GULP1: variants seen among roughly 807,000 people sequenced by gnomAD.
GULP1 encodes GULP PTB domain containing engulfment adaptor 1, also known as PTB domain-containing engulfment adapter protein 1.
GULP1 carries 19 observed loss-of-function variants against 40.9 expected under a neutral mutation model. The ratio of observed to expected loss-of-function variants is 0.46; its 90% confidence interval spans 0.32 to 0.68. The LOEUF is 0.68. Ranked by LOEUF, GULP1 falls within the 30% of genes least tolerant of loss-of-function variation. The pLI is 0.03. For missense variants in GULP1, 312 were observed against 362.2 expected, an observed-to-expected ratio of 0.86 and a Z score of 1.12; for synonymous variants, 119 against 117.6, an observed-to-expected ratio of 1.01 and a Z score of -0.08.
chr2:188,564,897 A>C (rs1697270067), intron 7 of GULP1, among the ~76,000 whole-genome samples: 1 of 151,978 alleles, frequency 6.6e-6, no homozygotes, highest in African/African-American at 2.4e-5. Context: ...ATATCCATAC[A>C]TACATGGTTA....
chr2:188,386,242 G>A (rs760601421), intron 2 of GULP1, among the ~76,000 whole-genome samples: 6 of 152,074 alleles, frequency 3.9e-5, no homozygotes, highest in Admixed American at 2.6e-4. Context: ...GCTTGTGTAG[G>A]AAAACTCCCA....
chr2:188,542,230 T>C (rs1211644915), intron 7 of GULP1: 1 of 152,198 alleles, frequency 6.6e-6, no homozygotes, highest in Non-Finnish European at 1.5e-5. Context: ...CACTGGTGGC[T>C]GCAATAAAGG....
At chr2:188,522,993 C>G (rs1198574429) in intron 5 of GULP1, 166 bp downstream of exon 5, 2 of 502,160 alleles carry the variant, frequency 4.0e-6, no homozygotes, top group Non-Finnish European at 7.4e-6. Context: ...TTTTTAATAA[C>G]AAACATGTAC....
At chr2:188,415,278 G>A (rs145644543) in intron 2 of GULP1, among the ~76,000 whole-genome samples, 1 of 151,984 alleles carries the variant, frequency 6.6e-6, no homozygotes. Context: ...TAGAATGAAG[G>A]CTACTTTGGT....
intron 1 of GULP1, among the ~76,000 whole-genome samples, chr2:188,361,489 A>G (rs2152376514): frequency 6.6e-6 from 1 of 152,214 alleles, no homozygotes; most frequent in Non-Finnish European, 1.5e-5. Flanking sequence ...GTTGGCGGAA[A>G]CTATGAAATG....
intron 1 of GULP1, among the ~76,000 whole-genome samples, chr2:188,307,450 T>TA (rs1353095281): frequency 1.3e-5 from 2 of 151,554 alleles, no homozygotes; most frequent in African/African-American, 4.8e-5. Flanking sequence ...TTTTTTTTTT[T>TA]ACAAATAAAA....
chr2:188,457,809 G>A (rs1226040956), intron 2 of GULP1, among the ~76,000 whole-genome samples: 1 of 151,962 alleles, frequency 6.6e-6, no homozygotes, highest in Non-Finnish European at 1.5e-5. Context: ...AAACAATATG[G>A]CTGGAACAAA....
intron 9 of GULP1, among the ~76,000 whole-genome samples, chr2:188,581,714 C>T (rs1701363036): frequency 6.6e-6 from 1 of 152,144 alleles, no homozygotes; most frequent in Non-Finnish European, 1.5e-5. Flanking sequence ...TGGAGCTCCT[C>T]ATGACTATAG....
Position 188,588,155 on chromosome 2 carries a change from TG to T in GULP1, c.843+208del, listed in dbSNP as rs2153471869. On this transcript the variant is annotated intron_variant, in intron 11 of 11. Transcript: ENST00000409830. ...AGGATAAGGTTGTTGGTTTTTTAAATGGTTCAATTTATAATGTCAATAAGAT... is the reference window on the plus strand; with the variant it reads ...AGGATAAGGTTGTTGGTTTTTTAAATGTTCAATTTATAATGTCAATAAGAT... 16 of 570,102 alleles carry T rather than the reference TG, an allele frequency of 2.8e-5. No homozygotes were observed. The South Asian group carries it at 3.2e-4, about 11-fold the overall frequency. 35.3% of individuals were successfully genotyped at this position (570,102 alleles called of 1,614,324 possible).
At chr2:188,343,170 GA>G (rs555948572) in intron 1 of GULP1, among the ~76,000 whole-genome samples, 17 of 148,296 alleles carry the variant, frequency 1.1e-4, no homozygotes, top group East Asian at 5.9e-4. Flanking sequence ...AGTGGAATAG[GA>G]AAAAAAAAAC....
intron 2 of GULP1, among the ~76,000 whole-genome samples, chr2:188,399,690 GA>G (rs55877284): frequency 2.5e-4 from 16 of 64,684 alleles, no homozygotes; most frequent in South Asian, 1.9e-3. Context: ...GTCCCTACAA[GA>G]AAAAAAAAAA....
chr2:188,430,234 G>T (rs1191133943), intron 2 of GULP1, among the ~76,000 whole-genome samples: 1 of 152,148 alleles, frequency 6.6e-6, no homozygotes, highest in African/African-American at 2.4e-5. Context: ...CAAAAGTGAT[G>T]TAAAAAGTTA....
At chr2:188,321,047 G>A (rs2039905563) in intron 1 of GULP1, among the ~76,000 whole-genome samples, 1 of 151,974 alleles carries the variant, frequency 6.6e-6, no homozygotes, top group South Asian at 2.1e-4. Flanking sequence ...ATATATTCAT[G>A]TTTAATGAAT....
intron 4 of GULP1, among the ~76,000 whole-genome samples, chr2:188,516,701 G>C (rs2065208678): frequency 6.6e-6 from 1 of 152,106 alleles, no homozygotes; most frequent in Non-Finnish European, 1.5e-5. Flanking sequence ...CCCAGTTTCT[G>C]ATTGAGTAGA....
At chr2:188,300,530 G>A (rs1020317185) in intron 1 of GULP1, among the ~76,000 whole-genome samples, 2 of 152,042 alleles carry the variant, frequency 1.3e-5, no homozygotes, top group Non-Finnish European at 2.9e-5. Flanking sequence ...TTTAGAATAT[G>A]TACAAGTACA....
At chr2:188,517,041 T>C (rs1431725804) in intron 4 of GULP1, among the ~76,000 whole-genome samples, 1 of 152,206 alleles carries the variant, frequency 6.6e-6, no homozygotes, top group African/African-American at 2.4e-5. Flanking sequence ...TTATTAATAT[T>C]GTTTGGCTCA....
chr2:188,585,784 G>A (rs1702250587), intron 10 of GULP1, among the ~76,000 whole-genome samples: 1 of 152,198 alleles, frequency 6.6e-6, no homozygotes, highest in Non-Finnish European at 1.5e-5. Flanking sequence ...TCTGACATGT[G>A]CTGGTGACAT....
At chr2:188,458,160 C>G (rs1013182442) in intron 2 of GULP1, among the ~76,000 whole-genome samples, 1 of 152,298 alleles carries the variant, frequency 6.6e-6, no homozygotes, top group South Asian at 2.1e-4. Flanking sequence ...GCCTTCCCTT[C>G]TCTTATGCTG....
chr2:188,508,679 A>G (rs1033591414), intron 4 of GULP1, among the ~76,000 whole-genome samples: 2 of 151,996 alleles, frequency 1.3e-5, no homozygotes, highest in Non-Finnish European at 2.9e-5. Context: ...TCAGCCTACT[A>G]ACAGAATTAT....
Sources: allele counts gnomAD v4.1 joint callset (sites outside exome capture counted in the v4.1 genomes callset), GRCh38; gene constraint gnomAD v4.1.1; transcripts MANE v1.5; gene names NCBI Gene and HGNC (gene_info 2026-07-23, HGNC 2026-07-21).